The following PCDHGB2 variants were observed in gnomAD, a reference collection of about 807,000 sequenced individuals.
The protein encoded by PCDHGB2 is protocadherin gamma-B2.
PCDHGB2 carries 55 observed loss-of-function variants against 59.3 expected under a neutral mutation model. The ratio of observed to expected loss-of-function variants is 0.93; its 90% confidence interval spans 0.75 to 1.16. PCDHGB2 has a LOEUF of 1.16. Among genes scored for constraint, PCDHGB2 ranks in the 50% most tolerant of loss-of-function variants. The probability of loss-of-function intolerance (pLI) is 0.00; values close to 1 mark genes in which losing one functional copy is unlikely to be tolerated. For synonymous variants in PCDHGB2, 516 were observed against 512.0 expected, an observed-to-expected ratio of 1.01 and a Z score of -0.11; for missense variants, 1,228 against 1,198.5, an observed-to-expected ratio of 1.02 and a Z score of -0.36.
At chr5:141,418,603 G>C in intron 1 of PCDHGB2, 1 of 1,614,020 alleles carries the variant, frequency 6.2e-7, no homozygotes, top group Non-Finnish European at 8.5e-7. Context: ...ACGTGTACAG[G>C]GTTAGCCTTC....
At chr5:141,424,092 C>G (rs1160250641) in intron 1 of PCDHGB2, 2 of 879,256 alleles carry the variant, frequency 2.3e-6, no homozygotes, top group Non-Finnish European at 2.8e-6. Context: ...CCATTATTTG[C>G]TATTACTGCT....
At chr5:141,446,069 C>T (rs552817495) in intron 1 of PCDHGB2, among the ~76,000 whole-genome samples, 1 of 152,102 alleles carries the variant, frequency 6.6e-6, no homozygotes, top group South Asian at 2.1e-4. Flanking sequence ...AAAGGGGAGG[C>T]AGTGGATGTA....
chr5:141,433,460 T>C (rs892333304), intron 1 of PCDHGB2, among the ~76,000 whole-genome samples: 1 of 152,064 alleles, frequency 6.6e-6, no homozygotes, highest in Non-Finnish European at 1.5e-5. Context: ...GATCTGAAAC[T>C]TGGGCTCAGG....
chr5:141,487,475 C>A lies in PCDHGB2; in HGVS notation c.2422-7332C>A. 6.2e-7 allele frequency: 1 copy of A among 1,614,156 alleles called. No individual in the cohort carries two copies. The highest frequency in any genetic ancestry group is 8.5e-7 in the Non-Finnish European group (1 of 1,180,032). On this transcript the variant is annotated intron_variant, in intron 1 of 3. Transcript: ENST00000522605. This position sits in a 1 kb window ranked among gnomAD's most constrained non-coding sequence, Gnocchi z 5.0. ...TATCAAGTTTGTTGATGTGGGAGGC[C>A]ACTCTCATGGCTGTACACCCTTGGC...
At chr5:141,427,812 G>C (rs1380721111) in intron 1 of PCDHGB2, 1 of 1,524,406 alleles carries the variant, frequency 6.6e-7, no homozygotes, top group Non-Finnish European at 9.0e-7. Flanking sequence ...CGCACAGAGC[G>C]GGGTGGTGGT....
At chr5:141,409,988 GC>G in intron 1 of PCDHGB2, 1 of 1,613,278 alleles carries the variant, frequency 6.2e-7, no homozygotes, top group Non-Finnish European at 8.5e-7. Flanking sequence ...AGCGGTGGAC[GC>G]CGACTCGGGA....
At chr5:141,366,284 C>T in intron 1 of PCDHGB2, 1 of 1,613,714 alleles carries the variant, frequency 6.2e-7, no homozygotes, top group Non-Finnish European at 8.5e-7. Context: ...CCATGGCCAG[C>T]CCCCTCTGTC....
Position 141,477,160 on chromosome 5 carries a change from C to A in PCDHGB2, c.2422-17647C>A, listed in dbSNP as rs768436526. The A allele has an allele frequency of 1.9e-5, 31 of 1,614,068 alleles. No homozygotes were observed. The African/African-American group carries it at 3.6e-4, about 19-fold the overall frequency. On this transcript the variant is annotated intron_variant, in intron 1 of 3. Coordinates refer to ENST00000522605, the MANE Select transcript of PCDHGB2 (RefSeq NM_018923.3). This position sits in a 1 kb window ranked among gnomAD's most constrained non-coding sequence, Gnocchi z 4.9. ...TGGAGGTTGTGGATGTGAATGACAA[C>A]GCCCCGGAGATCACAGTCACCTCCG...
At chr5:141,496,048 G>A (rs1327057788) in intron 2 of PCDHGB2, among the ~76,000 whole-genome samples, 1 of 148,400 alleles carries the variant, frequency 6.7e-6, no homozygotes, top group Non-Finnish European at 1.5e-5. Context: ...TCATTTTTTT[G>A]TGCTTGTGGG....
At chr5:141,418,423 T>G (rs1469880702) in intron 1 of PCDHGB2, 1 of 1,613,868 alleles carries the variant, frequency 6.2e-7, no homozygotes. Flanking sequence ...ATCCTGATGG[T>G]GGCAAATATC....
intron 1 of PCDHGB2, chr5:141,372,633 A>G: frequency 6.2e-7 from 1 of 1,613,996 alleles, no homozygotes; most frequent in South Asian, 1.1e-5. Context: ...CAGCGAAAGG[A>G]CTTTGCCTTA....
rs1267617024 is a variant in PCDHGB2 at position 141,476,542 on chromosome 5, G to T, written c.2422-18265G>T. The T allele has an allele frequency of 6.2e-7, 1 of 1,614,210 alleles. No individual in the cohort carries two copies. The highest frequency in any genetic ancestry group is 1.7e-5 in the Admixed American group (1 of 60,036). On this transcript the variant is annotated intron_variant, in intron 1 of 3. Transcript: ENST00000522605. This position sits in a 1 kb window ranked among gnomAD's most constrained non-coding sequence, Gnocchi z 7.6. ...CTTTCCCTACCCAGGAAATGAAATT[G>T]GAGATTAGCGAGGCCGTGGCTCCGG...
Position 141,490,942 on chromosome 5 carries a change from C to T in PCDHGB2, c.2422-3865C>T, listed in dbSNP as rs371286343. On this transcript the variant is annotated intron_variant, in intron 1 of 3. Coordinates refer to ENST00000522605, the MANE Select transcript of PCDHGB2 (RefSeq NM_018923.3). This position sits in a 1 kb window ranked among gnomAD's most constrained non-coding sequence, Gnocchi z 5.4. ...TAATGCCCCAGCTGTGCTGCACCCA[C>T]GGCCAGACTGGGAACACTCAGCCCC... 8.7e-5 allele frequency: 141 copies of T among 1,613,526 alleles called. No individual in the cohort carries two copies. Among genetic ancestry groups the T allele is most frequent in the Non-Finnish European group, 1.1e-4 (126 of 1,179,768 alleles).
intron 1 of PCDHGB2, chr5:141,397,991 C>T (rs960718940): frequency 1.5e-6 from 2 of 1,340,100 alleles, no homozygotes; most frequent in African/African-American, 3.0e-5. Context: ...TACACCGCTT[C>T]CTCCTCGGAA....
rs368091522 is a variant in PCDHGB2, at chr5:141,361,503, C to T, written c.1368C>T (p.Ser456=). Residue 456 remains serine, a synonymous_variant, in exon 1 of 4, where the codon TCC becomes TCT. Coordinates refer to ENST00000522605, the MANE Select transcript of PCDHGB2 (RefSeq NM_018923.3). ...NDNAPVFQQT[S]YMVHVAENNP... is the part of the protein sequence containing the mutation. ...ATGCCCCAGTTTTCCAACAGACTTC[C>T]TACATGGTTCACGTGGCAGAGAACA... 95 of 1,613,900 alleles carry T rather than the reference C, an allele frequency of 5.9e-5. No individual in the cohort carries two copies. Among genetic ancestry groups the T allele is most frequent in the Non-Finnish European group, 7.5e-5 (88 of 1,179,882 alleles).
At chr5:141,394,703 A>C (rs138625114) in intron 1 of PCDHGB2, 42,437 of 1,613,130 alleles carry the variant, frequency 0.026, 739 homozygotes, top group East Asian at 0.04. Flanking sequence ...GCACGGCGCG[A>C]GCCCTGCTGG....
chr5:141,500,188 A>T (rs182086759), intron 2 of PCDHGB2, among the ~76,000 whole-genome samples: 173 of 98,190 alleles, frequency 1.8e-3, no homozygotes, highest in African/African-American at 4.0e-3. Flanking sequence ...TTTTATTTTT[A>T]TTTATTTATT....
chr5:141,397,876 C>A (rs2093580679), intron 1 of PCDHGB2: 1 of 579,756 alleles, frequency 1.7e-6, no homozygotes, highest in East Asian at 2.9e-5. Flanking sequence ...TGACTCTGGG[C>A]GCCGCTGTTG....
intron 1 of PCDHGB2, chr5:141,400,205 C>CCACCACCA: frequency 6.2e-7 from 1 of 1,614,016 alleles, no homozygotes; most frequent in South Asian, 1.1e-5. Flanking sequence ...GTGGCCTTGG[C>CCACCACCA]CTTGATCTCA....
Sources: allele counts gnomAD v4.1 joint callset (sites outside exome capture counted in the v4.1 genomes callset), GRCh38; gene constraint gnomAD v4.1.1; non-coding constraint Gnocchi (gnomAD v3.1); transcripts MANE v1.5; gene names NCBI Gene and HGNC (gene_info 2026-07-23, HGNC 2026-07-21).